SORCS3: variants seen among roughly 807,000 people sequenced by gnomAD.
SORCS3 encodes the protein sortilin related VPS10 domain containing receptor 3, also known as VPS10 domain-containing receptor SorCS3.
A neutral mutation model predicts 146.3 loss-of-function variants in SORCS3; 57 were observed. The observed-to-expected ratio is 0.39, with a 90% confidence interval of 0.31 to 0.49. SORCS3 has a LOEUF of 0.49. SORCS3 is among the 20% of genes least tolerant of loss of function. SORCS3 has a pLI of 0.92. For synonymous variants in SORCS3, 653 were observed against 618.5 expected (o/e 1.06, Z -0.83); for missense variants, 1,341 against 1,575.5 (o/e 0.85, Z 2.52).
intron 7 of SORCS3, among the ~76,000 whole-genome samples, chr10:105,106,317 T>C (rs148503129): frequency 1.0e-3 from 157 of 152,318 alleles, no homozygotes; most frequent in African/African-American, 3.7e-3. Flanking sequence ...CCTAAGCACC[T>C]GAATGACCTT....
At chr10:105,247,656 G>A (rs757062650) in intron 22 of SORCS3, among the ~76,000 whole-genome samples, 26 of 152,168 alleles carry the variant, frequency 1.7e-4, no homozygotes, top group Admixed American at 9.2e-4. Flanking sequence ...GCTGAGGCAT[G>A]AGAATTGCTT....
chr10:104,658,146 G>A (rs2015655310), intron 1 of SORCS3, among the ~76,000 whole-genome samples: 1 of 152,172 alleles, frequency 6.6e-6, no homozygotes, highest in Non-Finnish European at 1.5e-5. Flanking sequence ...ATGGGGTAGG[G>A]CAGTGTTAAT....
At chr10:104,876,150 G>C (rs2018569123) in intron 2 of SORCS3, among the ~76,000 whole-genome samples, 1 of 152,136 alleles carries the variant, frequency 6.6e-6, no homozygotes, top group South Asian at 2.1e-4. Flanking sequence ...AAAAAGGACT[G>C]TGACTTCAAC....
chr10:105,166,788 G>A (rs539573312), intron 12 of SORCS3, among the ~76,000 whole-genome samples: 1 of 152,164 alleles, frequency 6.6e-6, no homozygotes, highest in East Asian at 1.9e-4. Flanking sequence ...TACCATAGTG[G>A]GTAGGAAATT....
chr10:105,222,975 A>C, intron 19 of SORCS3, 141 bp from the exon 20 acceptor site: 1 of 823,398 alleles, frequency 1.2e-6, no homozygotes, highest in Non-Finnish European at 1.8e-6. Context: ...GTGTATACAC[A>C]CCTCCCAATG....
intron 3 of SORCS3, among the ~76,000 whole-genome samples, chr10:104,918,763 T>C (rs7091010): frequency 0.49 from 74,761 of 151,996 alleles, 22,051 homozygotes; most frequent in African/African-American, 0.84. Flanking sequence ...GGATATTTGG[T>C]GCATGAAAAG....
intron 1 of SORCS3, among the ~76,000 whole-genome samples, chr10:104,723,532 C>G (rs1403763924): frequency 1.3e-5 from 2 of 152,100 alleles, no homozygotes; most frequent in African/African-American, 2.4e-5. Context: ...CCTGGATATC[C>G]TTGTTAACTT....
intron 3 of SORCS3, among the ~76,000 whole-genome samples, chr10:104,929,787 C>T (rs939748635): frequency 6.6e-6 from 1 of 152,206 alleles, no homozygotes; most frequent in Non-Finnish European, 1.5e-5. Flanking sequence ...ACCAGTCTGT[C>T]CAGAATCTCT....
chr10:104,991,502 C>CTTTTTTTTTTTTTTTTTTTTT (rs1554865716), intron 4 of SORCS3, among the ~76,000 whole-genome samples: 1 of 140,424 alleles, frequency 7.1e-6, no homozygotes, highest in African/African-American at 2.9e-5. Context: ...TCCTCTTCTT[C>CTTTTTTTTTTTTTTTTTTTTT]CTTTTTTTTT....
chr10:104,662,991 GT>G, intron 1 of SORCS3, among the ~76,000 whole-genome samples: 1 of 152,342 alleles, frequency 6.6e-6, no homozygotes, highest in East Asian at 1.9e-4. Flanking sequence ...GAGAGGCTGA[GT>G]TTTTGCCTGG....
intron 11 of SORCS3, among the ~76,000 whole-genome samples, chr10:105,162,429 A>G (rs1289180729): frequency 1.3e-5 from 2 of 150,868 alleles, no homozygotes; most frequent in African/African-American, 5.0e-5. Context: ...TCAGCCAGCA[A>G]GGCTCATTTT....
chr10:105,176,390 TAAA>T (rs199548176), intron 13 of SORCS3, among the ~76,000 whole-genome samples: 1 of 143,756 alleles, frequency 7.0e-6, no homozygotes. Context: ...CAAAAATAAT[TAAA>T]AAAAAAAAAA....
intron 1 of SORCS3, among the ~76,000 whole-genome samples, chr10:104,684,785 T>TTTTTTTTTG (rs2016024030): frequency 3.1e-4 from 1 of 3,196 alleles, no homozygotes; most frequent in Non-Finnish European, 9.0e-4. Context: ...CAGTGTTTTT[T>TTTTTTTTTG]TTTTTTTTTT....
At chr10:105,143,845 G>T (rs2056112169) in intron 8 of SORCS3, among the ~76,000 whole-genome samples, 1 of 152,100 alleles carries the variant, frequency 6.6e-6, no homozygotes. Context: ...TATCTCACCA[G>T]TCTGTCTCCT....
chr10:105,006,208 C>T (rs913399112), intron 4 of SORCS3, among the ~76,000 whole-genome samples: 1 of 152,198 alleles, frequency 6.6e-6, no homozygotes, highest in Admixed American at 6.5e-5. Context: ...TTTCAAATTG[C>T]TGGGATTACA....
intron 1 of SORCS3, among the ~76,000 whole-genome samples, chr10:104,752,537 G>T (rs1211235797): frequency 3.3e-5 from 5 of 152,170 alleles, no homozygotes; most frequent in Admixed American, 2.0e-4. Flanking sequence ...TTTACTGTGG[G>T]CTGGGCCAGC....
At chr10:105,087,170 A>G (rs1480800508) in intron 5 of SORCS3, among the ~76,000 whole-genome samples, 2 of 152,134 alleles carry the variant, frequency 1.3e-5, no homozygotes, top group African/African-American at 2.4e-5. Flanking sequence ...TCCCAGCACA[A>G]TTTATTAAAT....
Position 105,247,213 on chromosome 10 carries a change from C to T in SORCS3, c.2993-6C>T. 1.3e-6 allele frequency: 2 copies of T among 1,533,496 alleles called. No homozygotes were observed. Among genetic ancestry groups the T allele is most frequent in the East Asian group, 2.3e-5 (1 of 44,126 alleles). The allele number at this position is 1,533,496 out of a possible 1,614,324, so 95.0% of individuals were successfully genotyped here. A position where few individuals can be genotyped will look rare whatever the true frequency, so the allele number is the denominator to read the frequency against. ...AGCCTCACTTAAACATTCTCTCTCCCTGCAGAATATTTCCAGTCCCAGCTT... is the reference window on the plus strand; with the variant it reads ...AGCCTCACTTAAACATTCTCTCTCCTTGCAGAATATTTCCAGTCCCAGCTT... On this transcript the variant is annotated splice_polypyrimidine_tract_variant and splice_region_variant and intron_variant, in intron 21 of 26. Transcript: ENST00000369701.
At chr10:104,903,313 G>A (rs2018871669) in intron 2 of SORCS3, among the ~76,000 whole-genome samples, 1 of 152,268 alleles carries the variant, frequency 6.6e-6, no homozygotes, top group Admixed American at 6.5e-5. Flanking sequence ...ATTAATTACA[G>A]AGTCTAAGTG....
Sources: gnomAD v4.1 joint callset for allele counts (sites outside exome capture counted in the v4.1 genomes callset) on GRCh38, gnomAD v4.1.1 for gene constraint, MANE v1.5 for transcripts, NCBI Gene and HGNC (gene_info 2026-07-23, HGNC 2026-07-21) for gene names.